NDRG1: variants seen among roughly 807,000 people sequenced by gnomAD.
NDRG1 encodes the protein N-myc downstream regulated 1.
Under a neutral mutation model 56.9 loss-of-function variants are expected in NDRG1, and 32 were observed. The ratio of observed to expected loss-of-function variants is 0.56; its 90% CI spans 0.42 to 0.76. The LOEUF is 0.76. Ranked by LOEUF, NDRG1 falls within the 30% of genes least tolerant of loss-of-function variation. NDRG1 has a pLI of 0.00. For synonymous variants in NDRG1, 211 were observed against 204.1 expected (o/e 1.03, Z -0.29); for missense variants, 507 against 545.7 (o/e 0.93, Z 0.71).
intron 3 of NDRG1, among the ~76,000 whole-genome samples, chr8:133,268,795 A>G (rs921590921): frequency 6.6e-6 from 1 of 152,104 alleles, no homozygotes; most frequent in African/African-American, 2.4e-5. Context: ...GCCCCCCAGC[A>G]CACACAGGAG....
intron 11 of NDRG1, 98 bp from the exon 12 acceptor site, chr8:133,248,024 T>C: frequency 1.6e-6 from 2 of 1,233,220 alleles, no homozygotes; most frequent in Non-Finnish European, 2.4e-6. Context: ...CTACAAACAA[T>C]GTCATTTTGG....
chr8:133,277,332 G>A (rs59179170), intron 3 of NDRG1, among the ~76,000 whole-genome samples: 27,752 of 152,110 alleles, frequency 0.18, 3,807 homozygotes, highest in African/African-American at 0.38. Context: ...GGGAGGCTGA[G>A]GCAGGTAGAT....
chr8:133,252,739 G>C (rs1251090414), intron 9 of NDRG1, among the ~76,000 whole-genome samples: 1 of 151,492 alleles, frequency 6.6e-6, no homozygotes, highest in African/African-American at 2.4e-5. Flanking sequence ...CAGCTCCAGA[G>C]TGGGGCCTCT....
chr8:133,296,651 C>G (rs1028205912), intron 1 of NDRG1: 33 of 417,874 alleles, frequency 7.9e-5, no homozygotes, highest in African/African-American at 2.1e-5. Context: ...CTACCAACCC[C>G]TCATCTACAC....
intron 1 of NDRG1, among the ~76,000 whole-genome samples, chr8:133,291,066 G>A (rs1858401921): frequency 6.6e-6 from 1 of 152,230 alleles, no homozygotes; most frequent in Middle Eastern, 3.4e-3. Context: ...TCCCTCGGGG[G>A]AGGGCGGACA....
chr8:133,246,372 T>TC (rs1291962278), intron 13 of NDRG1, among the ~76,000 whole-genome samples: 1 of 152,148 alleles, frequency 6.6e-6, no homozygotes, highest in Non-Finnish European at 1.5e-5. Context: ...GGTCCCTCTA[T>TC]CCCCAAAGCC....
At chr8:133,292,078 A>G (rs1050230550) in intron 1 of NDRG1, among the ~76,000 whole-genome samples, 8 of 152,326 alleles carry the variant, frequency 5.3e-5, no homozygotes, top group Non-Finnish European at 1.0e-4. Context: ...ACAGAAGACG[A>G]CCGTCTGAGG....
intron 1 of NDRG1, chr8:133,284,859 A>G (rs1238581954): frequency 2.2e-6 from 1 of 456,522 alleles, no homozygotes; most frequent in Admixed American, 2.3e-5. Context: ...GCGTGAACAC[A>G]CATACACACC....
chr8:133,281,967 A>G (rs535916520), intron 2 of NDRG1, among the ~76,000 whole-genome samples: 11 of 152,338 alleles, frequency 7.2e-5, no homozygotes, highest in African/African-American at 2.4e-4. Flanking sequence ...TTGAGGACAG[A>G]CACAAGGAAG....
chr8:133,283,783 C>G (rs1343379728), intron 2 of NDRG1, among the ~76,000 whole-genome samples: 1 of 152,304 alleles, frequency 6.6e-6, no homozygotes, highest in Non-Finnish European at 1.5e-5. Flanking sequence ...GGGATTTAAG[C>G]CCAGACAGTG....
At chr8:133,278,887 C>CTT (rs34187643) in intron 3 of NDRG1, among the ~76,000 whole-genome samples, 30 of 125,596 alleles carry the variant, frequency 2.4e-4, no homozygotes, top group South Asian at 2.0e-3. Flanking sequence ...CTCTCTTCTT[C>CTT]TTTTTTTTTT....
intron 3 of NDRG1, among the ~76,000 whole-genome samples, chr8:133,278,925 T>C (rs1272861420): frequency 6.6e-6 from 1 of 150,686 alleles, no homozygotes. Flanking sequence ...AGTTTCACTC[T>C]TGTTGCCCAG....
At chr8:133,262,603 G>A (rs868050642) in intron 4 of NDRG1, among the ~76,000 whole-genome samples, 1 of 152,174 alleles carries the variant, frequency 6.6e-6, no homozygotes, top group African/African-American at 2.4e-5. Context: ...CATGGGAGGT[G>A]AGGCGTGCCT....
chr8:133,250,931 G>T lies in NDRG1; in HGVS notation c.595-388C>A, dbSNP rs182761316. On this transcript the variant is annotated intron_variant, in intron 9 of 15. Transcript: ENST00000323851. ...CTTAAAAAAAAAAAAAAAAAAAAGG[G>T]AAGAGAGAGAATGTTGCCTACTTCA... Among the ~76,000 whole-genome samples, 530 of 150,320 alleles carry T rather than the reference G, an allele frequency of 3.5e-3. 4 individuals are homozygous for T. The highest frequency in any genetic ancestry group is 6.6e-3 in the Non-Finnish European group (447 of 67,566).
intron 2 of NDRG1, 70 bp from the exon 3 acceptor site, chr8:133,280,337 T>A (rs939177614): frequency 4.2e-5 from 63 of 1,496,434 alleles, no homozygotes; most frequent in Admixed American, 8.4e-5. Context: ...TTGGGACATA[T>A]GGGCCTTTCT....
Position 133,246,671 on chromosome 8 carries a change from A to G in NDRG1, c.808-8T>C. ...TTTTGAGTTGCACTCCACCTGCACA[A>G]GAGGGAGGAAATCTGTTAATTTTCT... On this transcript the variant is annotated splice_region_variant and splice_polypyrimidine_tract_variant and intron_variant, in intron 12 of 15. Coordinates refer to ENST00000323851, the MANE Select transcript of NDRG1 (RefSeq NM_006096.4). 6.2e-7 allele frequency: 1 copy of G among 1,614,072 alleles called. No homozygotes were observed. The highest frequency in any genetic ancestry group is 8.5e-7 in the Non-Finnish European group (1 of 1,179,936).
At chr8:133,285,396 C>A (rs1428016320) in intron 1 of NDRG1, among the ~76,000 whole-genome samples, 1 of 152,178 alleles carries the variant, frequency 6.6e-6, no homozygotes, top group Non-Finnish European at 1.5e-5. Context: ...CAGATCCAGA[C>A]TTTCTGAATG....
chr8:133,250,483 T>C lies in NDRG1; in HGVS notation c.655A>G (p.Met219Val). The change falls in exon 10 of 16, where the codon ATG becomes GTG. Residue 219 changes from methionine to valine, a missense_variant. Physicochemically the swap from Met to Val is conservative, Grantham distance 21. Transcript: ENST00000323851. ...AACAGGTGCAGGTTGCCGGGGTTCATGTCATTCACAATGTGCTGGCGGTAG... is the reference window on the plus strand; with the variant it reads ...AACAGGTGCAGGTTGCCGGGGTTCACGTCATTCACAATGTGCTGGCGGTAG... Reference protein sequence around the residue: ...HTYRQHIVNDMNPGNLHLFIN... With the variant: ...HTYRQHIVNDVNPGNLHLFIN... 4 of 1,614,142 alleles carry C rather than the reference T, an allele frequency of 2.5e-6. No individual in the cohort carries two copies. Among genetic ancestry groups the C allele is most frequent in the Non-Finnish European group, 2.5e-6 (3 of 1,180,022 alleles).
chr8:133,282,674 A>G (rs1857878516), intron 2 of NDRG1, among the ~76,000 whole-genome samples: 2 of 152,234 alleles, frequency 1.3e-5, no homozygotes. Flanking sequence ...GCCTCACCAC[A>G]TTTTAAATTT....
Sources: gnomAD v4.1 joint callset for allele counts (sites outside exome capture counted in the v4.1 genomes callset) on GRCh38, gnomAD v4.1.1 for gene constraint, MANE v1.5 for transcripts, NCBI Gene and HGNC (gene_info 2026-07-23, HGNC 2026-07-21) for gene names.